Variants in PHKA2 observed in about 807,000 individuals in gnomAD.
PHKA2 encodes phosphorylase kinase regulatory subunit alpha 2.
PHKA2 carries 31 observed loss-of-function variants against 102.0 expected under a neutral mutation model. That is an observed-to-expected ratio of 0.30 (90% CI 0.23 to 0.41). PHKA2 has a LOEUF of 0.41. PHKA2 is among the 10% of genes least tolerant of loss of function. The probability of loss-of-function intolerance (pLI) is 1.00; values close to 1 mark genes in which losing one functional copy is unlikely to be tolerated. For synonymous variants in PHKA2, 455 were observed against 416.2 expected (o/e 1.09, Z -1.13); for missense variants, 858 against 1,023.1 (o/e 0.84, Z 2.20).
intron 17 of PHKA2, among the ~76,000 whole-genome samples, chrX:18,920,910 T>C (rs1175008420): frequency 8.9e-6 from 1 of 112,324 alleles, no homozygotes; most frequent in Non-Finnish European, 1.9e-5. Context: ...GATCCCTCCC[T>C]CAGAGTTATC....
At chrX:18,973,778 G>A (rs2049049004) in intron 1 of PHKA2, among the ~76,000 whole-genome samples, 1 of 112,412 alleles carries the variant, frequency 8.9e-6, no homozygotes, top group African/African-American at 3.2e-5. Flanking sequence ...CTCTGAGGGT[G>A]CACCCATGCA....
intron 1 of PHKA2, among the ~76,000 whole-genome samples, chrX:18,963,471 G>A (rs1340019809): frequency 3.6e-5 from 4 of 112,234 alleles, no homozygotes; most frequent in Non-Finnish European, 7.5e-5. Context: ...ACAGGGCACT[G>A]TAAAGAGACA....
chrX:18,951,023 A>G (rs1431275255), intron 4 of PHKA2, 81 bp downstream of exon 4: 2 of 981,292 alleles, frequency 2.0e-6, no homozygotes, highest in African/African-American at 3.7e-5. Context: ...GGCCTGACAC[A>G]CTGGCCGCTA....
intron 13 of PHKA2, among the ~76,000 whole-genome samples, chrX:18,927,832 A>G (rs1485543747): frequency 9.0e-6 from 1 of 111,147 alleles, no homozygotes; most frequent in African/African-American, 3.3e-5. Context: ...AATGACAGGC[A>G]TGACTCCACA....
chrX:18,961,353 T>A (rs1254447592), intron 1 of PHKA2, among the ~76,000 whole-genome samples: 1 of 112,232 alleles, frequency 8.9e-6, no homozygotes, highest in African/African-American at 3.2e-5. Context: ...TACAAGTAAA[T>A]TTACCACTTA....
intron 31 of PHKA2, 120 bp from the exon 32 acceptor site, chrX:18,894,524 T>C (rs2047497697): frequency 1.6e-6 from 1 of 620,470 alleles, no homozygotes; most frequent in Non-Finnish European, 2.6e-6. Context: ...GCGCCACTGC[T>C]GCCCCTTTTC....
chrX:18,907,266 C>G (rs1222133425), intron 22 of PHKA2, among the ~76,000 whole-genome samples, 169 bp from the exon 23 acceptor site: 2 of 112,171 alleles, frequency 1.8e-5, no homozygotes, highest in East Asian at 5.6e-4. Flanking sequence ...AGACCCCAGA[C>G]TAAGCAACCC....
At chrX:18,969,748 T>C (rs1467844994) in intron 1 of PHKA2, among the ~76,000 whole-genome samples, 3 of 111,841 alleles carry the variant, frequency 2.7e-5, no homozygotes, top group African/African-American at 9.7e-5. Context: ...GGGATCACCC[T>C]CTGTGAACTG....
chrX:18,939,295 C>A (rs1046019731), intron 9 of PHKA2, among the ~76,000 whole-genome samples: 1 of 111,234 alleles, frequency 9.0e-6, no homozygotes, highest in African/African-American at 3.3e-5. Context: ...ACCACCTCAG[C>A]CTCCTGAGTT....
rs2048137623 is a variant in PHKA2 at position 18,922,364 on chromosome X, A to G, written c.1793+1692T>C. Among the ~76,000 whole-genome samples, 5 of 112,432 alleles carry G rather than the reference A, an allele frequency of 4.4e-5. No homozygotes were observed. In the South Asian group the frequency reaches 1.8e-3, roughly 41 times the overall value. On this transcript the variant is annotated intron_variant, in intron 17 of 32. Coordinates refer to ENST00000379942, the MANE Select transcript of PHKA2 (RefSeq NM_000292.3). ...GCAAATTGGAGGTAAAATGTGCAAA[A>G]GTGGATGCAGATTGCTGGTATGGCA...
At chrX:18,907,638 G>A (rs1205896587) in intron 22 of PHKA2, among the ~76,000 whole-genome samples, 4 of 111,602 alleles carry the variant, frequency 3.6e-5, no homozygotes, top group Non-Finnish European at 7.5e-5. Context: ...GAGGCTGCCA[G>A]GCCACAGAGC....
Position 18,895,127 on chromosome X carries a change from T to C in PHKA2, c.3336+11A>G, listed in dbSNP as rs2047513775. 21 of 1,209,511 alleles carry C rather than the reference T, an allele frequency of 1.7e-5. No individual in the cohort carries two copies. Among genetic ancestry groups the C allele is most frequent in the Non-Finnish European group, 2.4e-5 (21 of 893,513 alleles). ...ACAGAGGGGCCCGCCTCTGCGTTTTTCTCATCGTACCTCTCGGGTCGTCGA... is the reference window on the plus strand; with the variant it reads ...ACAGAGGGGCCCGCCTCTGCGTTTTCCTCATCGTACCTCTCGGGTCGTCGA... On this transcript the variant is annotated intron_variant, in intron 31 of 32. Coordinates refer to ENST00000379942, the MANE Select transcript of PHKA2 (RefSeq NM_000292.3).
At chrX:18,947,130 A>T (rs748169336) in intron 5 of PHKA2, among the ~76,000 whole-genome samples, 4 of 112,035 alleles carry the variant, frequency 3.6e-5, no homozygotes, top group African/African-American at 1.3e-4. Flanking sequence ...GGACAGAGCC[A>T]TGCTCATTTA....
At chrX:18,945,288 C>CT in intron 5 of PHKA2, 130 bp from the exon 6 acceptor site, 1 of 473,790 alleles carries the variant, frequency 2.1e-6, no homozygotes, top group Non-Finnish European at 3.8e-6. Flanking sequence ...GCTTTGTAGA[C>CT]TCATACTGTG....
intron 10 of PHKA2, among the ~76,000 whole-genome samples, chrX:18,937,142 T>C (rs1034513093): frequency 9.0e-6 from 1 of 110,724 alleles, no homozygotes; most frequent in Non-Finnish European, 1.9e-5. Context: ...CTAAAGTGAA[T>C]CTCTGATTGC....
chrX:18,913,168 G>C (rs761628897), intron 19 of PHKA2, among the ~76,000 whole-genome samples: 1 of 111,146 alleles, frequency 9.0e-6, no homozygotes, highest in East Asian at 2.8e-4. Context: ...TGCAGGACTG[G>C]AAGTTGCTCT....
chrX:18,905,524 G>A (rs1026273393), intron 26 of PHKA2, among the ~76,000 whole-genome samples: 5 of 110,541 alleles, frequency 4.5e-5, no homozygotes, highest in African/African-American at 1.3e-4. Context: ...TACAGGAGGC[G>A]GTATACCACA....
At chrX:18,900,263 C>T (rs984123517) in intron 28 of PHKA2, among the ~76,000 whole-genome samples, 1 of 111,207 alleles carries the variant, frequency 9.0e-6, no homozygotes, top group Non-Finnish European at 1.9e-5. Flanking sequence ...AAGAAGAGCA[C>T]CCTTACATGT....
At chrX:18,901,443 G>C in intron 27 of PHKA2, 42 bp downstream of exon 27, 2 of 872,600 alleles carry the variant, frequency 2.3e-6, no homozygotes, top group Non-Finnish European at 3.4e-6. Context: ...CCCAGGTAGG[G>C]AGACCACCAC....
Sources: allele counts gnomAD v4.1 joint callset (sites outside exome capture counted in the v4.1 genomes callset), GRCh38; gene constraint gnomAD v4.1.1; transcripts MANE v1.5; gene names NCBI Gene and HGNC (gene_info 2026-07-23, HGNC 2026-07-21).